Variants in PTPA observed in about 807,000 individuals in gnomAD.
The protein encoded by PTPA is protein phosphatase 2 phosphatase activator.
In PTPA, 13 loss-of-function variants were observed where a neutral mutation model predicts 43.6. The observed-to-expected ratio is 0.30, with a 90% CI of 0.19 to 0.47. The LOEUF (loss-of-function observed/expected upper bound fraction) is 0.47. Among genes scored for constraint, PTPA ranks in the 20% least tolerant of loss-of-function variants. PTPA has a pLI of 0.99. For synonymous variants in PTPA, 172 were observed against 158.2 expected (o/e 1.09, Z -0.66); for missense variants, 329 against 411.9 (o/e 0.80, Z 1.74).
At position 129,127,024 on chromosome 9, in the gene PTPA, A is replaced by T. The variant is rs551575891; in HGVS notation, c.217-1961A>T. On this transcript the variant is annotated intron_variant, in intron 3 of 9. Coordinates refer to ENST00000393370, the MANE Select transcript of PTPA (RefSeq NM_178000.3). ...ATCCATTGTAAGCCCCCGTTTCTGC[A>T]TGGGTTAGGTCTGGCCTGTGCTTAT... 1.5e-4 allele frequency among the ~76,000 whole-genome samples: 23 copies of T among 152,230 alleles called. No individual in the cohort carries two copies. In the South Asian group the frequency reaches 2.9e-3, roughly 19 times the overall value.
At chr9:129,138,106 A>G (rs1183263431) in intron 8 of PTPA, 2 of 253,256 alleles carry the variant, frequency 7.9e-6, no homozygotes, top group Non-Finnish European at 1.6e-5. Flanking sequence ...GAGGAGATGG[A>G]GCGAACTTCT....
intron 3 of PTPA, among the ~76,000 whole-genome samples, chr9:129,123,549 A>G (rs1849393652): frequency 6.6e-6 from 1 of 152,156 alleles, no homozygotes; most frequent in African/African-American, 2.4e-5. Flanking sequence ...GATCGCCCAA[A>G]TACATGTGCA....
chr9:129,146,611 G>C (rs916333937), intron 9 of PTPA, among the ~76,000 whole-genome samples: 1 of 152,224 alleles, frequency 6.6e-6, no homozygotes, highest in Non-Finnish European at 1.5e-5. Flanking sequence ...CGCATGCCCA[G>C]AACGGCTCCT....
chr9:129,145,128 C>G (rs1208010862), intron 9 of PTPA, among the ~76,000 whole-genome samples: 2 of 152,154 alleles, frequency 1.3e-5, no homozygotes, highest in Admixed American at 6.5e-5. Context: ...GTCAGGAGTT[C>G]ATGACCAGCC....
intron 8 of PTPA, chr9:129,142,049 TG>T: frequency 5.8e-6 from 1 of 171,066 alleles, no homozygotes; most frequent in Non-Finnish European, 1.2e-5. Context: ...CTGAGGCTCC[TG>T]GGGAGTCGGT....
intron 2 of PTPA, among the ~76,000 whole-genome samples, chr9:129,122,428 G>C (rs1564187029): frequency 6.6e-6 from 1 of 152,150 alleles, no homozygotes; most frequent in African/African-American, 2.4e-5. Context: ...TCCCTGTGTT[G>C]GGTGTAACTG....
chr9:129,117,924 C>T (rs897223845), intron 1 of PTPA, among the ~76,000 whole-genome samples: 1 of 151,990 alleles, frequency 6.6e-6, no homozygotes, highest in Non-Finnish European at 1.5e-5. Context: ...GTCTGGAACT[C>T]CTGACCTCAA....
chr9:129,135,268 CT>C (rs1303865040), intron 6 of PTPA, among the ~76,000 whole-genome samples: 1 of 152,142 alleles, frequency 6.6e-6, no homozygotes, highest in Non-Finnish European at 1.5e-5. Flanking sequence ...TGGCACTCGC[CT>C]GTAATTCCAG....
chr9:129,142,193 A>C, intron 8 of PTPA: 13 of 390,442 alleles, frequency 3.3e-5, no homozygotes, highest in East Asian at 3.9e-5. Context: ...TGGGCAAGGA[A>C]TGTTATATTT....
chr9:129,138,057 T>G (rs1278850533), intron 8 of PTPA: 1 of 335,400 alleles, frequency 3.0e-6, no homozygotes, highest in Non-Finnish European at 5.8e-6. Flanking sequence ...CAAGGGTCTG[T>G]AGAACCATGT....
intron 4 of PTPA, among the ~76,000 whole-genome samples, chr9:129,131,184 G>A (rs1849940926): frequency 6.6e-6 from 1 of 152,174 alleles, no homozygotes; most frequent in African/African-American, 2.4e-5. Context: ...GAAGGAAGGT[G>A]GCCTGTGTGG....
At chr9:129,139,936 C>T (rs926647566) in intron 8 of PTPA, 1 of 152,156 alleles carries the variant, frequency 6.6e-6, no homozygotes, top group Non-Finnish European at 1.5e-5. Flanking sequence ...CTTTAAGAGC[C>T]CAGGGCAGGC....
At chr9:129,114,707 T>C (rs561537240) in intron 1 of PTPA, among the ~76,000 whole-genome samples, 2 of 152,372 alleles carry the variant, frequency 1.3e-5, no homozygotes, top group African/African-American at 4.8e-5. Context: ...TCTAAAATTC[T>C]GAATGTTGAT....
rs779007046 is a variant in PTPA at position 129,136,462 on chromosome 9, C to T, written c.561-9C>T. The T allele has an allele frequency of 6.2e-7, 1 of 1,610,042 alleles. No homozygotes were observed. Among genetic ancestry groups the T allele is most frequent in the Non-Finnish European group, 8.5e-7 (1 of 1,177,738 alleles). Reference sequence around the variant, plus strand: ...TTGCTACCTTCCCTTTCCCTGTCCTCCTGTGCAGGTACCTTGAGGTTATGC... The same window carrying T: ...TTGCTACCTTCCCTTTCCCTGTCCTTCTGTGCAGGTACCTTGAGGTTATGC... On this transcript the variant is annotated splice_polypyrimidine_tract_variant and intron_variant, in intron 6 of 9. Coordinates refer to ENST00000393370, the MANE Select transcript of PTPA (RefSeq NM_178000.3).
At chr9:129,113,448 G>A (rs1848673791) in intron 1 of PTPA, among the ~76,000 whole-genome samples, 1 of 151,900 alleles carries the variant, frequency 6.6e-6, no homozygotes, top group African/African-American at 2.4e-5. Context: ...GTCCTGGGCT[G>A]TGGGTTGAAC....
intron 5 of PTPA, 26 bp from the exon 6 acceptor site, chr9:129,134,769 C>G (rs1341760474): frequency 1.3e-6 from 2 of 1,571,452 alleles, no homozygotes; most frequent in Admixed American, 3.4e-5. Flanking sequence ...GGACTACTGT[C>G]AACGCTGGTT....
chr9:129,143,266 C>T (rs1461447788), intron 9 of PTPA: 1 of 700,380 alleles, frequency 1.4e-6, no homozygotes, highest in South Asian at 1.5e-5. Flanking sequence ...CCTCCCACTT[C>T]CTGGGAAGAC....
In PTPA at chr9:129,114,104, C is replaced by A. The variant is rs533531936; in HGVS notation, c.31+2473C>A. ...GGTGCAGTGGTGCAATCTCAGCTCACTGCAACCTCCGCCTCCTGAGTTCAT... is the reference window on the plus strand; with the variant it reads ...GGTGCAGTGGTGCAATCTCAGCTCAATGCAACCTCCGCCTCCTGAGTTCAT... On this transcript the variant is annotated intron_variant, in intron 1 of 9. Transcript: ENST00000393370. Among the ~76,000 whole-genome samples, 85 of 152,276 alleles carry A rather than the reference C, an allele frequency of 5.6e-4. 2 individuals are homozygous for A. Among genetic ancestry groups the A allele is most frequent in the Admixed American group, 5.5e-3 (84 of 15,302 alleles).
intron 3 of PTPA, 75 bp from the exon 4 acceptor site, chr9:129,128,910 G>A: frequency 1.9e-6 from 3 of 1,578,384 alleles, no homozygotes; most frequent in Non-Finnish European, 2.6e-6. Flanking sequence ...TTGTCTGGCA[G>A]CAGTGGACTT....
Sources: gnomAD v4.1 joint callset for allele counts (sites outside exome capture counted in the v4.1 genomes callset) on GRCh38, gnomAD v4.1.1 for gene constraint, MANE v1.5 for transcripts, NCBI Gene and HGNC (gene_info 2026-07-23, HGNC 2026-07-21) for gene names.